The following UBE2E1 variants were observed in gnomAD, a reference collection of about 807,000 sequenced individuals.
UBE2E1 encodes the protein ubiquitin-conjugating enzyme E2 E1.
Under a neutral mutation model 21.4 loss-of-function variants are expected in UBE2E1, and 6 were observed. The observed-to-expected ratio is 0.28, with a 90% CI of 0.15 to 0.55. The LOEUF (loss-of-function observed/expected upper bound fraction) is 0.55, where lower values mean the gene tolerates loss of function less well. Among genes scored for constraint, UBE2E1 ranks in the 20% least tolerant of loss-of-function variants. The pLI, the probability that UBE2E1 is intolerant of heterozygous loss-of-function variation, is 0.93. For synonymous variants in UBE2E1, 87 were observed against 82.7 expected, an observed-to-expected ratio of 1.05 and a Z score of -0.28; for missense variants, 142 against 236.5, an observed-to-expected ratio of 0.60 and a Z score of 2.62.
rs1412937084 is a variant in UBE2E1 at position 23,806,221 on chromosome 3, G to A, written c.-34+133G>A. ...AGGGCACGGGGCCGGCGCGGGGGGG[G>A]AGCGGAGAGGGGCTGGGGAGCCCCA... On this transcript the variant is annotated intron_variant, in intron 1 of 5. Coordinates refer to ENST00000306627, the MANE Select transcript of UBE2E1 (RefSeq NM_003341.5). The surrounding 1 kb of genome is among the most constrained non-coding windows in gnomAD (Gnocchi z 6.5). 6.8e-6 allele frequency: 1 copy of A among 148,142 alleles called. No homozygotes were observed. Among genetic ancestry groups the A allele is most frequent in the African/African-American group, 2.5e-5 (1 of 40,814 alleles). The allele number at this position is 148,142 out of a possible 1,614,324, so 9.2% of individuals were successfully genotyped here.
chr3:23,837,148 A>G (rs55867849), intron 3 of UBE2E1, among the ~76,000 whole-genome samples: 4,471 of 152,314 alleles, frequency 0.029, 218 homozygotes, highest in African/African-American at 0.1. Flanking sequence ...AGAAATGTAT[A>G]TAAAGCACTT....
intron 3 of UBE2E1, among the ~76,000 whole-genome samples, chr3:23,852,028 ACT>A (rs1700336905): frequency 6.6e-6 from 1 of 151,570 alleles, no homozygotes; most frequent in African/African-American, 2.4e-5. Flanking sequence ...GGACCTCCCC[ACT>A]CTCTCATGCT....
At chr3:23,890,332 A>G (rs1018029844) in intron 5 of UBE2E1, among the ~76,000 whole-genome samples, 177 bp from the exon 6 acceptor site, 1 of 152,104 alleles carries the variant, frequency 6.6e-6, no homozygotes, top group Non-Finnish European at 1.5e-5. Context: ...TCTTCCCCCA[A>G]CGTTATGTTT....
chr3:23,818,393 T>G (rs1170048768), intron 3 of UBE2E1, among the ~76,000 whole-genome samples: 1 of 152,200 alleles, frequency 6.6e-6, no homozygotes, highest in Non-Finnish European at 1.5e-5. Flanking sequence ...TTAGACAAAT[T>G]AAATAGATTA....
intron 3 of UBE2E1, among the ~76,000 whole-genome samples, chr3:23,851,348 T>C (rs945032991): frequency 6.6e-6 from 1 of 152,238 alleles, no homozygotes; most frequent in Non-Finnish European, 1.5e-5. Flanking sequence ...TCGTTCTTTT[T>C]AAAGATTGTT....
intron 3 of UBE2E1, among the ~76,000 whole-genome samples, chr3:23,825,790 T>G (rs1330614585): frequency 6.6e-6 from 1 of 152,120 alleles, no homozygotes; most frequent in African/African-American, 2.4e-5. Flanking sequence ...CAGATTTTAT[T>G]TGAATTTCAG....
intron 3 of UBE2E1, among the ~76,000 whole-genome samples, chr3:23,875,351 G>A (rs1296135115): frequency 6.6e-6 from 1 of 152,150 alleles, no homozygotes; most frequent in East Asian, 1.9e-4. Flanking sequence ...CCTGTAGTAT[G>A]TGTGGGAAAT....
chr3:23,866,582 G>T (rs559351663), intron 3 of UBE2E1: 1 of 152,134 alleles, frequency 6.6e-6, no homozygotes, highest in Non-Finnish European at 1.5e-5. Flanking sequence ...CATAACGTTT[G>T]GACTGTAATT....
intron 3 of UBE2E1, among the ~76,000 whole-genome samples, chr3:23,825,701 G>C (rs1422705520): frequency 6.6e-6 from 1 of 152,184 alleles, no homozygotes; most frequent in Non-Finnish European, 1.5e-5. Flanking sequence ...CAGATAGAAA[G>C]GTGCTGAGTG....
chr3:23,813,042 C>A (rs1296001599), intron 3 of UBE2E1, among the ~76,000 whole-genome samples: 2 of 150,854 alleles, frequency 1.3e-5, no homozygotes. Context: ...ATCGTTTTAA[C>A]TGAGTTTATG....
chr3:23,826,067 T>C (rs1284246484), intron 3 of UBE2E1, among the ~76,000 whole-genome samples: 8 of 152,320 alleles, frequency 5.3e-5, no homozygotes, highest in Admixed American at 5.2e-4. Context: ...AATAGTATTC[T>C]GTTCAGTGTT....
Position 23,870,932 on chromosome 3 carries a change from G to A in UBE2E1, c.204-16635G>A, listed in dbSNP as rs1209561252. On this transcript the variant is annotated intron_variant, in intron 3 of 5. Transcript: ENST00000306627. This position sits in a 1 kb window ranked among gnomAD's most constrained non-coding sequence, Gnocchi z 4.2. Reference sequence around the variant, plus strand: ...TGTTTAACAAAGCACATCTTGCACCGCCCTTAATCCATTTAACCCTGAGTG... The same window carrying A: ...TGTTTAACAAAGCACATCTTGCACCACCCTTAATCCATTTAACCCTGAGTG... Among the ~76,000 whole-genome samples, 3 of 152,114 alleles carry A rather than the reference G, an allele frequency of 2.0e-5. No homozygotes were observed. The highest frequency in any genetic ancestry group is 4.4e-5 in the Non-Finnish European group (3 of 68,018).
rs185299196 is a variant in UBE2E1 at position 23,876,136 on chromosome 3, C to A, written c.204-11431C>A. Among the ~76,000 whole-genome samples the A allele has an allele frequency of 1.2e-3, 188 of 152,288 alleles. No homozygotes were observed. The highest frequency in any genetic ancestry group is 4.2e-3 in the African/African-American group (176 of 41,584). On this transcript the variant is annotated intron_variant, in intron 3 of 5. Coordinates refer to ENST00000306627, the MANE Select transcript of UBE2E1 (RefSeq NM_003341.5). This position sits in a 1 kb window ranked among gnomAD's most constrained non-coding sequence, Gnocchi z 4.3. ...GGAGCCCTTTAGGTTGGCTCTAGGT[C>A]TGCAAGTTCTTTCCAAGGGATAGTT...
chr3:23,888,063 T>A (rs1309747577), intron 4 of UBE2E1, among the ~76,000 whole-genome samples: 1 of 152,096 alleles, frequency 6.6e-6, no homozygotes, highest in African/African-American at 2.4e-5. Flanking sequence ...TCCAGCTACT[T>A]GGGAGGATTG....
At position 23,839,120 on chromosome 3, in the gene UBE2E1, A is replaced by C. The variant is rs146203259; in HGVS notation, c.203+27610A>C. 2.7e-3 allele frequency among the ~76,000 whole-genome samples: 410 copies of C among 152,244 alleles called. 3 individuals carry two copies. Among genetic ancestry groups the C allele is most frequent in the African/African-American group, 9.1e-3 (377 of 41,538 alleles). On this transcript the variant is annotated intron_variant, in intron 3 of 5. Transcript: ENST00000306627. ...TTTTATTCTGCATGTTATAAACCCC[A>C]AAATATATTGTTACTATTTTTGCTT...
intron 3 of UBE2E1, among the ~76,000 whole-genome samples, chr3:23,815,214 T>C (rs1233154617): frequency 1.3e-5 from 2 of 152,218 alleles, no homozygotes; most frequent in African/African-American, 2.4e-5. Context: ...ACTCCTGGCC[T>C]CAAGCCGTCC....
At chr3:23,859,597 A>G (rs1700508013) in intron 3 of UBE2E1, among the ~76,000 whole-genome samples, 1 of 152,226 alleles carries the variant, frequency 6.6e-6, no homozygotes, top group Non-Finnish European at 1.5e-5. Context: ...TAATACAGAG[A>G]TTTGAGTCCA....
chr3:23,888,412 A>G (rs1701246417), intron 4 of UBE2E1, among the ~76,000 whole-genome samples: 2 of 152,228 alleles, frequency 1.3e-5, no homozygotes, highest in Admixed American at 1.3e-4. Flanking sequence ...TTTTTAAAAA[A>G]TTGGTAAAAT....
At chr3:23,857,194 C>G (rs1700461213) in intron 3 of UBE2E1, among the ~76,000 whole-genome samples, 2 of 151,352 alleles carry the variant, frequency 1.3e-5, no homozygotes, top group Non-Finnish European at 2.9e-5. Flanking sequence ...AGAAAGCTGG[C>G]CCAGCAGCCT....
Sources: allele counts gnomAD v4.1 joint callset (sites outside exome capture counted in the v4.1 genomes callset), GRCh38; gene constraint gnomAD v4.1.1; non-coding constraint Gnocchi (gnomAD v3.1); transcripts MANE v1.5; gene names NCBI Gene and HGNC (gene_info 2026-07-23, HGNC 2026-07-21).